Variants in RAPGEF4 observed in about 807,000 individuals in gnomAD.
RAPGEF4 encodes RAP guanine-nucleotide-exchange factor (GEF) 4.
Under a neutral mutation model 147.9 loss-of-function variants are expected in RAPGEF4, and 66 were observed. That is an observed-to-expected ratio of 0.45 (90% confidence interval 0.37 to 0.55). The LOEUF is 0.55. Ranked by LOEUF, RAPGEF4 falls within the 20% of genes least tolerant of loss-of-function variation. RAPGEF4 has a pLI of 0.00. For synonymous variants in RAPGEF4, 419 were observed against 442.7 expected (o/e 0.95, Z 0.67); for missense variants, 1,071 against 1,257.3 (o/e 0.85, Z 2.24).
chr2:172,851,980 T>C (rs1289722632), intron 4 of RAPGEF4, among the ~76,000 whole-genome samples: 1 of 152,238 alleles, frequency 6.6e-6, no homozygotes, highest in Non-Finnish European at 1.5e-5. Flanking sequence ...AATTGAATTA[T>C]GCTGTAAATA....
In RAPGEF4 at chr2:172,892,735, G is replaced by C. The variant is rs117892268; in HGVS notation, c.445-25067G>C. 2.3e-3 allele frequency among the ~76,000 whole-genome samples: 350 copies of C among 152,280 alleles called. 7 individuals are homozygous for C. The highest frequency in any genetic ancestry group is 0.017 in the Admixed American group (262 of 15,296). ...CTTCCTTCCCTGTCTCACTTGTCCT[G>C]ACTTTCACTCCTGCTTCCTGGGATT... is the stretch of plus-strand genomic sequence containing the variant. On this transcript the variant is annotated intron_variant, in intron 4 of 30. Transcript: ENST00000397081.
At chr2:173,047,532 T>C (rs1685628598) in intron 29 of RAPGEF4, among the ~76,000 whole-genome samples, 2 of 152,224 alleles carry the variant, frequency 1.3e-5, no homozygotes, top group South Asian at 4.1e-4. Flanking sequence ...ATGTACTATA[T>C]GAATTCAAAT....
At chr2:172,863,943 C>G (rs1297545500) in intron 4 of RAPGEF4, among the ~76,000 whole-genome samples, 1 of 151,970 alleles carries the variant, frequency 6.6e-6, no homozygotes, top group Non-Finnish European at 1.5e-5. Context: ...AAGCAGTAAG[C>G]AATAATTAAA....
At chr2:172,744,905 T>C (rs954200463) in intron 1 of RAPGEF4, among the ~76,000 whole-genome samples, 6 of 152,156 alleles carry the variant, frequency 3.9e-5, no homozygotes, top group African/African-American at 1.4e-4. Flanking sequence ...TGAATTTACA[T>C]TGTCTGAATT....
At chr2:172,917,706 C>T in intron 4 of RAPGEF4, 96 bp from the exon 5 acceptor site, 1 of 1,063,298 alleles carries the variant, frequency 9.4e-7, no homozygotes, top group South Asian at 1.3e-5. Flanking sequence ...TCAGATGCTT[C>T]CTGACACCCA....
chr2:172,928,725 C>T (rs1042999523), intron 6 of RAPGEF4, among the ~76,000 whole-genome samples: 3 of 152,144 alleles, frequency 2.0e-5, no homozygotes, highest in Admixed American at 6.5e-5. Context: ...ATATACTGCA[C>T]GGCCCTGCTT....
At chr2:172,964,647 T>C (rs1342845817) in intron 8 of RAPGEF4, among the ~76,000 whole-genome samples, 1 of 152,092 alleles carries the variant, frequency 6.6e-6, no homozygotes, top group Non-Finnish European at 1.5e-5. Context: ...CCACCAGTGA[T>C]TCAGTCCCAG....
At chr2:172,851,505 C>CGCAGCA in intron 4 of RAPGEF4, among the ~76,000 whole-genome samples, 1 of 151,978 alleles carries the variant, frequency 6.6e-6, no homozygotes, top group South Asian at 2.1e-4. Context: ...GTATGTTCAT[C>CGCAGCA]GCAGCACTAT....
intron 6 of RAPGEF4, among the ~76,000 whole-genome samples, chr2:172,951,987 A>G (rs1688252081): frequency 6.6e-6 from 1 of 152,226 alleles, no homozygotes; most frequent in African/African-American, 2.4e-5. Flanking sequence ...GCTATGGAGC[A>G]CTTGAAATGT....
chr2:172,932,987 C>G (rs1017980809), intron 6 of RAPGEF4, among the ~76,000 whole-genome samples: 1 of 152,046 alleles, frequency 6.6e-6, no homozygotes, highest in Non-Finnish European at 1.5e-5. Context: ...AAGTAAATTA[C>G]TATTAGAAAT....
chr2:173,049,805 C>A (rs147093460), intron 30 of RAPGEF4, among the ~76,000 whole-genome samples: 1 of 152,324 alleles, frequency 6.6e-6, no homozygotes, highest in African/African-American at 2.4e-5. Flanking sequence ...TAAAGTGTCT[C>A]ATGTGTTTTC....
intron 4 of RAPGEF4, among the ~76,000 whole-genome samples, chr2:172,871,669 C>T (rs567387315): frequency 2.1e-5 from 3 of 143,006 alleles, no homozygotes; most frequent in African/African-American, 7.8e-5. Context: ...AAAAGAGTTA[C>T]AACAGTATTT....
At chr2:172,877,605 T>A (rs1028473548) in intron 4 of RAPGEF4, among the ~76,000 whole-genome samples, 2 of 151,934 alleles carry the variant, frequency 1.3e-5, no homozygotes, top group African/African-American at 4.8e-5. Flanking sequence ...CTACTGGAAC[T>A]AAACCTTGCT....
intron 4 of RAPGEF4, 107 bp downstream of exon 4, chr2:172,814,532 C>G (rs1688321012): frequency 6.0e-6 from 8 of 1,344,446 alleles, no homozygotes; most frequent in Non-Finnish European, 8.4e-6. Flanking sequence ...CTGTTCTGAG[C>G]TGGTAGATGG....
chr2:172,904,970 C>T (rs1187085774), intron 4 of RAPGEF4, among the ~76,000 whole-genome samples: 4 of 151,898 alleles, frequency 2.6e-5, no homozygotes, highest in Non-Finnish European at 4.4e-5. Flanking sequence ...GCAAGGCCTT[C>T]CCTGTCCTGG....
chr2:172,901,910 G>C (rs957852383), intron 4 of RAPGEF4, among the ~76,000 whole-genome samples: 7 of 152,180 alleles, frequency 4.6e-5, no homozygotes, highest in Non-Finnish European at 1.0e-4. Context: ...TCCACACTCA[G>C]ATGCGGGGCA....
intron 4 of RAPGEF4, among the ~76,000 whole-genome samples, chr2:172,899,428 A>G (rs1473970860): frequency 6.6e-6 from 1 of 152,210 alleles, no homozygotes; most frequent in African/African-American, 2.4e-5. Flanking sequence ...TCTGCATTGG[A>G]AAGTGAGACT....
intron 4 of RAPGEF4, chr2:172,889,726 G>C: frequency 1.8e-6 from 1 of 571,080 alleles, no homozygotes; most frequent in South Asian, 7.7e-5. Context: ...TCACTAATCT[G>C]ATTTGTTACT....
At chr2:172,996,440 T>A in intron 15 of RAPGEF4, 26 bp from the exon 16 acceptor site, 1 of 1,402,630 alleles carries the variant, frequency 7.1e-7, no homozygotes, top group Non-Finnish European at 9.6e-7. Context: ...TTTGAAAAAT[T>A]AATGGCATTT....
Sources: allele counts gnomAD v4.1 joint callset (sites outside exome capture counted in the v4.1 genomes callset), GRCh38; gene constraint gnomAD v4.1.1; transcripts MANE v1.5; gene names NCBI Gene and HGNC (gene_info 2026-07-23, HGNC 2026-07-21).